The following PEX14 variants were observed in gnomAD, a reference collection of about 807,000 sequenced individuals.
PEX14 encodes peroxisomal biogenesis factor 14.
In PEX14, 15 loss-of-function variants were observed where a neutral mutation model predicts 49.5. That is an observed-to-expected ratio of 0.30 (90% CI 0.20 to 0.47). The LOEUF (loss-of-function observed/expected upper bound fraction) is 0.47. Among genes scored for constraint, PEX14 ranks in the 20% least tolerant of loss-of-function variants. The probability of loss-of-function intolerance (pLI) is 1.00; values close to 1 mark genes in which losing one functional copy is unlikely to be tolerated. For synonymous variants in PEX14, 210 were observed against 212.7 expected, an observed-to-expected ratio of 0.99 and a Z score of 0.11; for missense variants, 398 against 494.8, an observed-to-expected ratio of 0.80 and a Z score of 1.86.
chr1:10,567,452 A>G (rs745674180), intron 3 of PEX14, among the ~76,000 whole-genome samples: 1 of 152,016 alleles, frequency 6.6e-6, no homozygotes, highest in Non-Finnish European at 1.5e-5. Context: ...GGCTATTCTT[A>G]TTTCTATATA....
intron 4 of PEX14, among the ~76,000 whole-genome samples, chr1:10,615,693 T>C (rs1247104443): frequency 6.6e-6 from 1 of 152,172 alleles, no homozygotes; most frequent in Non-Finnish European, 1.5e-5. Flanking sequence ...CGTGTGCACG[T>C]TGTTGATGGC....
At chr1:10,487,601 C>T (rs1395787417) in intron 1 of PEX14, among the ~76,000 whole-genome samples, 6 of 149,404 alleles carry the variant, frequency 4.0e-5, no homozygotes, top group African/African-American at 1.5e-4. Flanking sequence ...TCTCCTGCCT[C>T]AGCCTCCCAA....
At chr1:10,622,024 C>T (rs932026700) in intron 5 of PEX14, among the ~76,000 whole-genome samples, 1 of 152,152 alleles carries the variant, frequency 6.6e-6, no homozygotes, top group African/African-American at 2.4e-5. Context: ...GGTCTCACTC[C>T]TCACCTGGGG....
chr1:10,530,195 CAAA>C, intron 2 of PEX14, among the ~76,000 whole-genome samples: 1 of 151,604 alleles, frequency 6.6e-6, no homozygotes, highest in African/African-American at 2.4e-5. Context: ...GGAAAGAGTA[CAAA>C]AAAAATTCCT....
intron 2 of PEX14, among the ~76,000 whole-genome samples, chr1:10,507,325 C>T (rs908868182): frequency 2.6e-5 from 4 of 152,356 alleles, no homozygotes; most frequent in African/African-American, 4.8e-5. Context: ...GCGGGGCGCC[C>T]GCTGCACAAA....
chr1:10,581,375 C>T (rs1015460699), intron 3 of PEX14, among the ~76,000 whole-genome samples: 3 of 145,694 alleles, frequency 2.1e-5, no homozygotes, highest in Admixed American at 6.9e-5. Context: ...GGTGCAATCT[C>T]GGCTCACTGC....
intron 3 of PEX14, among the ~76,000 whole-genome samples, chr1:10,590,862 G>A (rs1387992037): frequency 5.3e-5 from 8 of 152,328 alleles, no homozygotes; most frequent in African/African-American, 1.7e-4. Flanking sequence ...TCTTTAGGAA[G>A]TAAGCTGAAT....
At chr1:10,554,531 C>T (rs541685865) in intron 3 of PEX14, among the ~76,000 whole-genome samples, 5 of 152,186 alleles carry the variant, frequency 3.3e-5, no homozygotes, top group South Asian at 4.1e-4. Context: ...GCTCCTCTGC[C>T]GGTTCAGCCT....
intron 3 of PEX14, among the ~76,000 whole-genome samples, chr1:10,577,526 A>T (rs1640156957): frequency 4.1e-5 from 1 of 24,310 alleles, no homozygotes; most frequent in Non-Finnish European, 9.7e-5. Context: ...TTTGGACACT[A>T]TACATATATA....
chr1:10,569,444 C>T (rs893608095), intron 3 of PEX14, among the ~76,000 whole-genome samples: 2 of 152,194 alleles, frequency 1.3e-5, no homozygotes, highest in Admixed American at 6.5e-5. Flanking sequence ...CCTCTGCCCG[C>T]CCTCCCACTG....
At chr1:10,572,544 A>G (rs1415763142) in intron 3 of PEX14, among the ~76,000 whole-genome samples, 1 of 152,060 alleles carries the variant, frequency 6.6e-6, no homozygotes, top group Non-Finnish European at 1.5e-5. Context: ...GTTCTTTTTT[A>G]TTTTTATTTT....
intron 3 of PEX14, among the ~76,000 whole-genome samples, chr1:10,573,198 A>G (rs964721522): frequency 6.6e-6 from 1 of 152,238 alleles, no homozygotes; most frequent in African/African-American, 2.4e-5. Context: ...GCGTAACTAT[A>G]TATTTTATTC....
At chr1:10,598,566 A>G (rs1225798506) in intron 3 of PEX14, among the ~76,000 whole-genome samples, 1 of 152,204 alleles carries the variant, frequency 6.6e-6, no homozygotes, top group African/African-American at 2.4e-5. Flanking sequence ...GGAGGATTTC[A>G]AGAAGGGAAA....
At chr1:10,611,481 G>T (rs141879409) in intron 4 of PEX14, among the ~76,000 whole-genome samples, 2 of 152,280 alleles carry the variant, frequency 1.3e-5, no homozygotes, top group African/African-American at 4.8e-5. Context: ...AAATCTTTAT[G>T]TGCACTTATA....
Position 10,630,026 on chromosome 1 carries a change from A to G in PEX14, c.*39A>G, listed in dbSNP as rs753054131. 5.0e-6 allele frequency: 8 copies of G among 1,601,128 alleles called. No individual in the cohort carries two copies. The highest frequency in any genetic ancestry group is 6.8e-6 in the Non-Finnish European group (8 of 1,178,602). ...GCCTCCAGCCCTGAGGATGGCATCTAGTGTGCCCGTGCGTGGCCATACCCT... is the reference window on the plus strand; with the variant it reads ...GCCTCCAGCCCTGAGGATGGCATCTGGTGTGCCCGTGCGTGGCCATACCCT... On this transcript the variant is annotated 3_prime_UTR_variant, in exon 9 of 9. Coordinates refer to ENST00000356607, the MANE Select transcript of PEX14 (RefSeq NM_004565.3). This position sits in a 1 kb window ranked among gnomAD's most constrained non-coding sequence, Gnocchi z 4.1.
chr1:10,522,346 A>G (rs920677934), intron 2 of PEX14, among the ~76,000 whole-genome samples: 2 of 152,244 alleles, frequency 1.3e-5, no homozygotes, highest in Non-Finnish European at 2.9e-5. Flanking sequence ...AACGAGGACC[A>G]ATGGTTAGGA....
intron 7 of PEX14, among the ~76,000 whole-genome samples, chr1:10,627,063 A>G (rs889399564): frequency 6.6e-6 from 1 of 152,232 alleles, no homozygotes; most frequent in Non-Finnish European, 1.5e-5. Flanking sequence ...TTACGTCATC[A>G]GATGTCCAAA....
intron 1 of PEX14, among the ~76,000 whole-genome samples, chr1:10,484,520 A>G (rs139993157): frequency 5.4e-4 from 82 of 151,940 alleles, no homozygotes; most frequent in Middle Eastern, 6.8e-3. Flanking sequence ...ATGGATGGCT[A>G]TATCTCAATT....
At chr1:10,589,603 G>A (rs1009218776) in intron 3 of PEX14, among the ~76,000 whole-genome samples, 1 of 151,784 alleles carries the variant, frequency 6.6e-6, no homozygotes, top group Admixed American at 6.6e-5. Context: ...GTAGAGATGG[G>A]GGTCTCACTA....
Sources: gnomAD v4.1 joint callset for allele counts (sites outside exome capture counted in the v4.1 genomes callset) on GRCh38, gnomAD v4.1.1 for gene constraint, Gnocchi (gnomAD v3.1) non-coding constraint, MANE v1.5 for transcripts, NCBI Gene and HGNC (gene_info 2026-07-23, HGNC 2026-07-21) for gene names.